Variants in ABR observed in about 807,000 individuals in gnomAD.
ABR encodes the protein ABR activator of RhoGEF and GTPase.
A neutral mutation model predicts 107.2 loss-of-function variants in ABR; 35 were observed. The observed-to-expected ratio is 0.33, with a 90% CI of 0.25 to 0.43. ABR has a LOEUF of 0.43. ABR is among the 20% of genes least tolerant of loss of function. The probability of loss-of-function intolerance (pLI) is 1.00; values close to 1 mark genes in which losing one functional copy is unlikely to be tolerated. For synonymous variants in ABR, 498 were observed against 462.0 expected (o/e 1.08, Z -1.00); for missense variants, 815 against 1,115.2 (o/e 0.73, Z 3.83).
chr17:1,118,307 T>C (rs866939142), intron 2 of ABR, among the ~76,000 whole-genome samples: 51 of 55,406 alleles, frequency 9.2e-4, no homozygotes, highest in African/African-American at 4.0e-3. Flanking sequence ...GAGCCTGAGT[T>C]CTCCCCAGCG....
intron 1 of ABR, among the ~76,000 whole-genome samples, chr17:1,199,995 A>G (rs534634463): frequency 1.3e-5 from 2 of 151,816 alleles, no homozygotes; most frequent in Non-Finnish European, 2.9e-5. Context: ...ACATATGTAT[A>G]CATGTGCCAT....
chr17:1,054,132 T>G (rs1425971704), intron 14 of ABR, among the ~76,000 whole-genome samples: 1 of 152,176 alleles, frequency 6.6e-6, no homozygotes, highest in East Asian at 1.9e-4. Context: ...GGCGTCCTCG[T>G]GTGTAAAACA....
At chr17:1,109,372 G>C (rs2038506473) in intron 2 of ABR, among the ~76,000 whole-genome samples, 1 of 151,872 alleles carries the variant, frequency 6.6e-6, no homozygotes, top group Admixed American at 6.6e-5. Flanking sequence ...TCCGTGTCCC[G>C]CCCGGCCCCG....
chr17:1,172,578 G>A (rs955220475), intron 1 of ABR, among the ~76,000 whole-genome samples: 4 of 152,100 alleles, frequency 2.6e-5, no homozygotes, highest in East Asian at 1.9e-4. Flanking sequence ...GTGAAACCCC[G>A]TCTCTACTAA....
In ABR at chr17:1,084,657, G is replaced by A. The variant is rs568678924; in HGVS notation, c.532-1030C>T. ...AATATTTATGGAAAGGCTTCGCTGC[G>A]CTGTATATAAGCACTTCCTCTTAAG... On this transcript the variant is annotated intron_variant, in intron 4 of 22. Coordinates refer to ENST00000302538, the MANE Select transcript of ABR (RefSeq NM_021962.5). The surrounding 1 kb of genome is among the most constrained non-coding windows in gnomAD (Gnocchi z 4.2). Among the ~76,000 whole-genome samples, 23 of 152,278 alleles carry A rather than the reference G, an allele frequency of 1.5e-4. No homozygotes were observed. Among genetic ancestry groups the A allele is most frequent in the African/African-American group, 3.4e-4 (14 of 41,562 alleles).
intron 1 of ABR, among the ~76,000 whole-genome samples, chr17:1,175,994 G>A (rs1462946712): frequency 6.6e-6 from 1 of 152,188 alleles, no homozygotes; most frequent in African/African-American, 2.4e-5. Context: ...GGGAGGCTGA[G>A]GCAGGAGAAT....
intron 4 of ABR, among the ~76,000 whole-genome samples, chr17:1,085,536 G>C (rs577712269): frequency 2.3e-4 from 35 of 152,300 alleles, no homozygotes; most frequent in African/African-American, 8.4e-4. Context: ...ACTAATAACA[G>C]TGTGGATAGG....
intron 16 of ABR, among the ~76,000 whole-genome samples, chr17:1,017,065 G>A (rs983838363): frequency 6.6e-6 from 1 of 152,016 alleles, no homozygotes; most frequent in Non-Finnish European, 1.5e-5. Flanking sequence ...AGAAGGGATG[G>A]AACCCAGAAC....
At chr17:1,088,891 C>CT (rs1183269429) in intron 4 of ABR, among the ~76,000 whole-genome samples, 1 of 110,082 alleles carries the variant, frequency 9.1e-6, no homozygotes, top group African/African-American at 3.2e-5. Flanking sequence ...TGTGCCCAGC[C>CT]ATTTTTTTTT....
In ABR at chr17:1,078,812, A is replaced by C; in HGVS notation, c.700+518T>G. On this transcript the variant is annotated intron_variant, in intron 6 of 22. Coordinates refer to ENST00000302538, the MANE Select transcript of ABR (RefSeq NM_021962.5). This position sits in a 1 kb window ranked among gnomAD's most constrained non-coding sequence, Gnocchi z 7.5. The stretch of plus-strand genomic sequence containing the variant: ...ACCTCCCACAGCGAGCACCTGGGTT[A>C]CCATAGGTGCAGTTACAGCAGAAGC... 6.5e-7 allele frequency: 1 copy of C among 1,535,426 alleles called. No individual in the cohort carries two copies. Among genetic ancestry groups the C allele is most frequent in the Middle Eastern group, 1.7e-4 (1 of 5,986 alleles).
chr17:1,050,023 A>T lies in ABR; in HGVS notation c.1791+27T>A. On this transcript the variant is annotated intron_variant, in intron 16 of 22. Transcript: ENST00000302538. The surrounding 1 kb of genome is among the most constrained non-coding windows in gnomAD (Gnocchi z 4.6). The stretch of plus-strand genomic sequence containing the variant: ...GGAACCACCTCCTGGAGGCTCCCTC[A>T]GCCTCGCCCCGGCGCCCTGGCCTCA... 6.2e-7 allele frequency: 1 copy of T among 1,601,466 alleles called. No individual in the cohort carries two copies. The highest frequency in any genetic ancestry group is 8.5e-7 in the Non-Finnish European group (1 of 1,175,476).
chr17:1,066,183 C>T (rs541615296), intron 10 of ABR, among the ~76,000 whole-genome samples: 23 of 152,192 alleles, frequency 1.5e-4, no homozygotes, highest in Non-Finnish European at 1.0e-4. Context: ...CCAGGCTGAC[C>T]AATATTCTTG....
At chr17:1,107,171 C>T (rs576656733) in intron 2 of ABR, among the ~76,000 whole-genome samples, 3 of 152,346 alleles carry the variant, frequency 2.0e-5, no homozygotes, top group South Asian at 4.1e-4. Flanking sequence ...GGGAAGACAC[C>T]ATCCCGGTGC....
upstream of ABR, chr17:1,181,911 A>G (rs1347227781): frequency 6.6e-6 from 1 of 152,254 alleles, no homozygotes; most frequent in Non-Finnish European, 1.5e-5. Context: ...TGAGGGAGCT[A>G]TGGATGTATG....
chr17:1,028,944 T>TG (rs911952684), intron 16 of ABR, among the ~76,000 whole-genome samples: 7 of 122,872 alleles, frequency 5.7e-5, no homozygotes, highest in Non-Finnish European at 8.6e-5. Flanking sequence ...GGGGGCAGGG[T>TG]GGGGGGGTTC....
rs187229532 is a variant in ABR at position 1,097,362 on chromosome 17, G to A, written c.345+3275C>T. ...TCCCAGCACTTTGGGAGGCCGAGGC[G>A]GGCGGATCACTTGAGGTCAGGAGTT... On this transcript the variant is annotated intron_variant, in intron 3 of 22. Transcript: ENST00000302538. Among the ~76,000 whole-genome samples the A allele has an allele frequency of 1.2e-3, 179 of 152,230 alleles. 1 individual carries two copies. In the East Asian group the frequency reaches 0.018, roughly 16 times the overall value.
chr17:1,071,108 G>T lies in ABR; in HGVS notation c.895-1018C>A, dbSNP rs1385522077. On this transcript the variant is annotated intron_variant, in intron 8 of 22. Transcript: ENST00000302538. The surrounding 1 kb of genome is among the most constrained non-coding windows in gnomAD (Gnocchi z 5.1). ...AACCCAGAGGGTGGAGGCTGCAGTG[G>T]AGCTGAGGTCACGCCATTGCACTCC... 6.6e-6 allele frequency among the ~76,000 whole-genome samples: 1 copy of T among 152,144 alleles called. No homozygotes were observed. Among genetic ancestry groups the T allele is most frequent in the African/African-American group, 2.4e-5 (1 of 41,438 alleles).
intron 12 of ABR, among the ~76,000 whole-genome samples, chr17:1,057,359 T>C (rs2033431044): frequency 7.4e-6 from 1 of 135,780 alleles, no homozygotes; most frequent in South Asian, 2.3e-4. Flanking sequence ...TGTGTGTGTG[T>C]GTGTGTGGTG....
At chr17:1,175,224 C>A (rs1171888837) in intron 1 of ABR, among the ~76,000 whole-genome samples, 1 of 152,028 alleles carries the variant, frequency 6.6e-6, no homozygotes, top group Non-Finnish European at 1.5e-5. Flanking sequence ...CCAGCCTGGC[C>A]AACATGGTGA....
Sources: gnomAD v4.1 joint callset for allele counts (sites outside exome capture counted in the v4.1 genomes callset) on GRCh38, gnomAD v4.1.1 for gene constraint, Gnocchi (gnomAD v3.1) non-coding constraint, MANE v1.5 for transcripts, NCBI Gene and HGNC (gene_info 2026-07-23, HGNC 2026-07-21) for gene names.